Variants in CDH8 observed in about 807,000 individuals in gnomAD.
The protein encoded by CDH8 is cadherin-8.
A neutral mutation model predicts 68.1 loss-of-function variants in CDH8; 17 were observed. The ratio of observed to expected loss-of-function variants is 0.25; its 90% CI spans 0.17 to 0.37. CDH8 has a LOEUF of 0.37. CDH8 is among the 10% of genes least tolerant of loss of function. CDH8 has a pLI of 1.00. For missense variants in CDH8, 763 were observed against 999.3 expected, an observed-to-expected ratio of 0.76 and a Z score of 3.19; for synonymous variants, 372 against 365.1, an observed-to-expected ratio of 1.02 and a Z score of -0.21.
intron 2 of CDH8, among the ~76,000 whole-genome samples, chr16:61,977,766 G>A (rs1965463405): frequency 6.6e-6 from 1 of 152,038 alleles, no homozygotes; most frequent in Admixed American, 6.6e-5. Context: ...TCTAATATTG[G>A]ATAAACGATG....
At chr16:61,664,645 A>G (rs1406849553) in intron 10 of CDH8, among the ~76,000 whole-genome samples, 1 of 152,044 alleles carries the variant, frequency 6.6e-6, no homozygotes, top group African/African-American at 2.4e-5. Flanking sequence ...GGCATGACTC[A>G]TATCATGAAA....
chr16:61,893,201 C>T (rs190573943), intron 3 of CDH8, among the ~76,000 whole-genome samples: 53 of 152,252 alleles, frequency 3.5e-4, no homozygotes, highest in African/African-American at 1.2e-3. Context: ...AAACAACCTT[C>T]TTCCCTGTGT....
chr16:61,749,740 C>G (rs984691045), intron 8 of CDH8, among the ~76,000 whole-genome samples: 2 of 151,932 alleles, frequency 1.3e-5, no homozygotes, highest in African/African-American at 4.8e-5. Flanking sequence ...TCCAAGTTAC[C>G]TCTTTACTGG....
intron 3 of CDH8, among the ~76,000 whole-genome samples, chr16:61,871,642 G>A (rs1963365643): frequency 6.6e-6 from 1 of 151,178 alleles, no homozygotes; most frequent in African/African-American, 2.4e-5. Context: ...AACAACCAAT[G>A]GGAAATGTGA....
intron 10 of CDH8, among the ~76,000 whole-genome samples, chr16:61,668,235 A>G (rs917648207): frequency 6.6e-6 from 1 of 152,014 alleles, no homozygotes; most frequent in African/African-American, 2.4e-5. Flanking sequence ...TGAAAAAGTT[A>G]TCATTTTTGG....
intron 8 of CDH8, among the ~76,000 whole-genome samples, chr16:61,772,999 AT>A (rs1960816722): frequency 6.6e-6 from 1 of 152,018 alleles, no homozygotes; most frequent in Non-Finnish European, 1.5e-5. Flanking sequence ...GGCCCTTTTA[AT>A]GTGGAGAATG....
intron 1 of CDH8, among the ~76,000 whole-genome samples, chr16:62,023,297 G>A (rs1033335586): frequency 8.5e-5 from 13 of 152,068 alleles, no homozygotes; most frequent in African/African-American, 2.9e-4. Flanking sequence ...TGGTGATAAG[G>A]CATCTTGTGT....
At chr16:61,665,867 TCTTTC>T (rs928046101) in intron 10 of CDH8, among the ~76,000 whole-genome samples, 5 of 139,124 alleles carry the variant, frequency 3.6e-5, no homozygotes, top group African/African-American at 1.1e-4. Context: ...CTTCCTTGCC[TCTTTC>T]CTTTCTTTTA....
chr16:61,880,040 C>T (rs1189671612), intron 3 of CDH8, among the ~76,000 whole-genome samples: 1 of 152,080 alleles, frequency 6.6e-6, no homozygotes, highest in African/African-American at 2.4e-5. Context: ...ATTATCCTGC[C>T]TCAGCCTCCT....
intron 2 of CDH8, among the ~76,000 whole-genome samples, chr16:61,935,723 G>A (rs1964617273): frequency 6.6e-6 from 1 of 152,000 alleles, no homozygotes; most frequent in South Asian, 2.1e-4. Flanking sequence ...AAGCACCTAA[G>A]TATGTAAGAC....
At chr16:61,931,185 G>A (rs537883639) in intron 2 of CDH8, among the ~76,000 whole-genome samples, 1 of 151,684 alleles carries the variant, frequency 6.6e-6, no homozygotes, top group South Asian at 2.1e-4. Context: ...TTTTGTTTCA[G>A]AACAGGGTTT....
At chr16:62,022,030 CTT>C (rs1256109439) in intron 1 of CDH8, among the ~76,000 whole-genome samples, 1 of 151,908 alleles carries the variant, frequency 6.6e-6, no homozygotes, top group Non-Finnish European at 1.5e-5. Flanking sequence ...GCCTTTTATT[CTT>C]TCTTTCTTTG....
intron 3 of CDH8, among the ~76,000 whole-genome samples, chr16:61,866,512 A>G (rs1422182312): frequency 6.6e-6 from 1 of 152,108 alleles, no homozygotes; most frequent in Admixed American, 6.6e-5. Flanking sequence ...TATATAGTGT[A>G]TACACTATAT....
intron 3 of CDH8, among the ~76,000 whole-genome samples, chr16:61,864,567 AC>A (rs1963218363): frequency 6.6e-6 from 1 of 152,110 alleles, no homozygotes; most frequent in Admixed American, 6.6e-5. Context: ...CCTAAATTCT[AC>A]CAGTATTTTT....
chr16:61,938,603 C>T (rs1009303387), intron 2 of CDH8, among the ~76,000 whole-genome samples: 2 of 152,040 alleles, frequency 1.3e-5, no homozygotes, highest in Non-Finnish European at 2.9e-5. Flanking sequence ...AATAATTAAG[C>T]TAGAAATAAA....
chr16:61,737,017 T>C (rs1959706266), intron 8 of CDH8, among the ~76,000 whole-genome samples: 1 of 152,156 alleles, frequency 6.6e-6, no homozygotes, highest in South Asian at 2.1e-4. Flanking sequence ...TGAAATAGCA[T>C]CTGGTATAAA....
chr16:61,833,454 G>T, intron 4 of CDH8, among the ~76,000 whole-genome samples: 1 of 151,858 alleles, frequency 6.6e-6, no homozygotes, highest in African/African-American at 2.4e-5. Flanking sequence ...CAGTGGTTAT[G>T]ATAATCAGCA....
chr16:61,997,149 C>T (rs1029122029), intron 2 of CDH8, among the ~76,000 whole-genome samples: 16 of 152,172 alleles, frequency 1.1e-4, no homozygotes, highest in African/African-American at 3.9e-4. Context: ...AATGTTATTT[C>T]CAAGCCACCT....
rs1963991328 is a variant in CDH8, at chr16:61,680,476, C to T, written c.1655-24755G>A. Reference sequence around the variant, plus strand: ...AACCATTTCTGTGTAATACAGTTTTCCCTACTTACCTTCTGTAGGTAAATT... The same window carrying T: ...AACCATTTCTGTGTAATACAGTTTTTCCTACTTACCTTCTGTAGGTAAATT... On this transcript the variant is annotated intron_variant, in intron 10 of 11. Coordinates refer to ENST00000577390, the MANE Select transcript of CDH8 (RefSeq NM_001796.5). 2.0e-5 allele frequency among the ~76,000 whole-genome samples: 3 copies of T among 151,836 alleles called. No individual in the cohort carries two copies. In the South Asian group the frequency reaches 6.2e-4, roughly 31 times the overall value.
Sources: gnomAD v4.1 joint callset for allele counts (sites outside exome capture counted in the v4.1 genomes callset) on GRCh38, gnomAD v4.1.1 for gene constraint, MANE v1.5 for transcripts, NCBI Gene and HGNC (gene_info 2026-07-23, HGNC 2026-07-21) for gene names.